Variants in RAD51B observed in about 807,000 individuals in gnomAD.
The protein encoded by RAD51B is RAD51 paralog B, also known as DNA repair protein RAD51 homolog 2.
In RAD51B, 38 loss-of-function variants were observed where a neutral mutation model predicts 42.2. The ratio of observed to expected loss-of-function variants is 0.90; its 90% confidence interval spans 0.70 to 1.18. RAD51B has a LOEUF of 1.18. RAD51B is among the 50% of genes most tolerant of loss of function. The pLI is 0.00. For synonymous variants in RAD51B, 154 were observed against 145.2 expected, an observed-to-expected ratio of 1.06 and a Z score of -0.43; for missense variants, 373 against 400.7, an observed-to-expected ratio of 0.93 and a Z score of 0.59.
At chr14:67,995,821 GT>G (rs1400157681) in intron 7 of RAD51B, among the ~76,000 whole-genome samples, 1 of 151,866 alleles carries the variant, frequency 6.6e-6, no homozygotes, top group African/African-American at 2.4e-5. Context: ...GTTTCACCGT[GT>G]TAACCAGGAT....
intron 7 of RAD51B, among the ~76,000 whole-genome samples, chr14:68,062,814 CAAAAAAAAAAAAA>C (rs962527138): frequency 5.0e-5 from 2 of 39,798 alleles, no homozygotes; most frequent in African/African-American, 1.9e-4. Flanking sequence ...GACTCTGTGA[CAAAAAAAAAAAAA>C]AAAAGAAAAA....
intron 7 of RAD51B, among the ~76,000 whole-genome samples, chr14:68,089,388 G>T (rs899275318): frequency 6.6e-6 from 1 of 152,114 alleles, no homozygotes; most frequent in South Asian, 2.1e-4. Context: ...AACGGACCCA[G>T]CTCGGAGTCC....
intron 7 of RAD51B, among the ~76,000 whole-genome samples, chr14:67,930,725 T>G (rs993402140): frequency 6.6e-6 from 1 of 152,206 alleles, no homozygotes; most frequent in Non-Finnish European, 1.5e-5. Flanking sequence ...CTAAATCTCT[T>G]GGTAGACTTG....
At chr14:67,875,003 G>A (rs1245119849) in intron 5 of RAD51B, among the ~76,000 whole-genome samples, 1 of 152,134 alleles carries the variant, frequency 6.6e-6, no homozygotes, top group African/African-American at 2.4e-5. Context: ...TTGGGTCTTA[G>A]AACTGCAAAT....
intron 9 of RAD51B, among the ~76,000 whole-genome samples, chr14:68,414,889 A>G (rs1402767105): frequency 8.2e-5 from 12 of 146,164 alleles, no homozygotes; most frequent in African/African-American, 3.0e-4. Context: ...AAAAATAGCC[A>G]GGCGTGGTGG....
At chr14:68,046,581 A>G (rs1272773576) in intron 7 of RAD51B, among the ~76,000 whole-genome samples, 2 of 152,178 alleles carry the variant, frequency 1.3e-5, no homozygotes, top group Non-Finnish European at 2.9e-5. Flanking sequence ...TCTGCAAAAA[A>G]TTTAAAATAG....
intron 7 of RAD51B, among the ~76,000 whole-genome samples, chr14:68,100,418 A>G (rs1187222493): frequency 6.6e-6 from 1 of 152,050 alleles, no homozygotes; most frequent in East Asian, 1.9e-4. Flanking sequence ...ATCTCAAGCA[A>G]TCCTCCTGTC....
In RAD51B at chr14:68,621,021, G is replaced by A. The variant is rs117551570; in HGVS notation, c.1037-29760G>A. On this transcript the variant is annotated intron_variant, in intron 10 of 11. Coordinates refer to the RAD51B transcript ENST00000488612. ...GAAGCCAATGGAGACTGGAGGGGAC[G>A]GGGCAAGGCCCTCCCAAACCACTCC... Among the ~76,000 whole-genome samples, 274 of 152,302 alleles carry A rather than the reference G, an allele frequency of 1.8e-3. 7 individuals are homozygous for A. In the East Asian group the frequency reaches 0.047, roughly 26 times the overall value.
chr14:68,303,472 A>AAAAAG (rs1358232131), intron 8 of RAD51B, among the ~76,000 whole-genome samples: 3 of 149,378 alleles, frequency 2.0e-5, no homozygotes, highest in South Asian at 2.1e-4. Context: ...AAAAAAAAAA[A>AAAAAG]AAAAGAAAAG....
chr14:68,342,394 T>A (rs1002801720), intron 8 of RAD51B, among the ~76,000 whole-genome samples: 9 of 152,206 alleles, frequency 5.9e-5, no homozygotes, highest in African/African-American at 2.2e-4. Context: ...CTGTTCCTCC[T>A]TAGGGAAAGT....
At chr14:68,643,827 C>A (rs1475518654) in intron 10 of RAD51B, among the ~76,000 whole-genome samples, 1 of 152,154 alleles carries the variant, frequency 6.6e-6, no homozygotes, top group Non-Finnish European at 1.5e-5. Context: ...TCCCAGCTTC[C>A]CCTTTGACAG....
chr14:67,892,656 G>T (rs1043355059), intron 7 of RAD51B, among the ~76,000 whole-genome samples: 4 of 152,190 alleles, frequency 2.6e-5, no homozygotes, highest in African/African-American at 9.7e-5. Context: ...GTACTGGTTT[G>T]ATCAGATTGT....
chr14:68,476,022 C>A (rs1882560504), intron 10 of RAD51B, among the ~76,000 whole-genome samples: 1 of 145,016 alleles, frequency 6.9e-6, no homozygotes. Flanking sequence ...GCATGGTGCT[C>A]AGGGGTCAAG....
intron 7 of RAD51B, among the ~76,000 whole-genome samples, chr14:68,139,032 T>C (rs2078069650): frequency 6.9e-6 from 1 of 145,714 alleles, no homozygotes; most frequent in Admixed American, 6.6e-5. Flanking sequence ...AAGATAAAGA[T>C]GATTTTTTTT....
In RAD51B at chr14:68,302,800, G is replaced by A. The variant is rs549814073; in HGVS notation, c.853+10820G>A. 5.3e-5 allele frequency among the ~76,000 whole-genome samples: 8 copies of A among 152,320 alleles called. No individual in the cohort carries two copies. In the South Asian group the frequency reaches 1.7e-3, roughly 32 times the overall value. ...ACTGCAGCAGGAGCATATCCTTAAG[G>A]CACAGATCACTCATGCTATTGTTTG... On this transcript the variant is annotated intron_variant, in intron 8 of 10. Coordinates refer to ENST00000471583, the MANE Select transcript of RAD51B (RefSeq NM_133510.4).
At chr14:68,590,219 G>A (rs1329726508) in intron 10 of RAD51B, among the ~76,000 whole-genome samples, 1 of 152,224 alleles carries the variant, frequency 6.6e-6, no homozygotes, top group African/African-American at 2.4e-5. Flanking sequence ...TGCTTCCAAG[G>A]AGTCTTGGGC....
At chr14:68,508,639 C>T (rs959520600) in intron 10 of RAD51B, among the ~76,000 whole-genome samples, 1 of 152,148 alleles carries the variant, frequency 6.6e-6, no homozygotes, top group Non-Finnish European at 1.5e-5. Flanking sequence ...CAGGCCTGGT[C>T]CTGCAGGAAA....
At position 68,580,195 on chromosome 14, in the gene RAD51B, T is replaced by C. The variant is rs1890149855; in HGVS notation, c.1037-14290T>C. Among the ~76,000 whole-genome samples, 4 of 152,320 alleles carry C rather than the reference T, an allele frequency of 2.6e-5. No homozygotes were observed. In the South Asian group the frequency reaches 8.3e-4, roughly 32 times the overall value. On this transcript the variant is annotated intron_variant, in intron 10 of 10. Transcript: ENST00000487270. ...CCCTCATTTCCTCTTTCAGTGTATT[T>C]TCTCTCCTCCATGTTCTGGAAGTTT... is the stretch of plus-strand genomic sequence containing the variant.
chr14:67,938,565 T>C (rs1330353112), intron 7 of RAD51B, among the ~76,000 whole-genome samples: 1 of 152,220 alleles, frequency 6.6e-6, no homozygotes, highest in South Asian at 2.1e-4. Flanking sequence ...CCATACATAA[T>C]ATAAAGATAT....
Sources: gnomAD v4.1 joint callset for allele counts (sites outside exome capture counted in the v4.1 genomes callset) on GRCh38, gnomAD v4.1.1 for gene constraint, MANE v1.5 for transcripts, NCBI Gene and HGNC (gene_info 2026-07-23, HGNC 2026-07-21) for gene names.